PRKN: variants seen among roughly 807,000 people sequenced by gnomAD.
PRKN encodes E3 ubiquitin-protein ligase parkin.
In PRKN, 56 loss-of-function variants were observed where a neutral mutation model predicts 59.5. The ratio of observed to expected loss-of-function variants is 0.94; its 90% CI spans 0.76 to 1.18. PRKN has a LOEUF of 1.18. PRKN is among the 50% of genes most tolerant of loss of function. The probability of loss-of-function intolerance (pLI) is 0.00; values close to 1 mark genes in which losing one functional copy is unlikely to be tolerated. For missense variants in PRKN, 657 were observed against 596.4 expected (o/e 1.10, Z -1.06); for synonymous variants, 250 against 222.1 (o/e 1.13, Z -1.12).
intron 4 of PRKN, among the ~76,000 whole-genome samples, chr6:162,158,674 G>A (rs571068746): frequency 2.0e-5 from 3 of 151,898 alleles, no homozygotes; most frequent in South Asian, 2.1e-4. Context: ...GAAATGATCC[G>A]CCCGCCTTGG....
chr6:161,957,659 G>A (rs1169305781), intron 6 of PRKN, among the ~76,000 whole-genome samples: 1 of 152,098 alleles, frequency 6.6e-6, no homozygotes, highest in East Asian at 1.9e-4. Flanking sequence ...TCCTGACCTT[G>A]TGATCCACCC....
chr6:161,965,023 A>G (rs1032050373), intron 6 of PRKN, among the ~76,000 whole-genome samples: 1 of 152,028 alleles, frequency 6.6e-6, no homozygotes, highest in Non-Finnish European at 1.5e-5. Context: ...TGTAACTAAG[A>G]TCTCCATTCC....
chr6:162,648,116 G>A (rs192045572), intron 1 of PRKN, among the ~76,000 whole-genome samples: 11 of 152,014 alleles, frequency 7.2e-5, no homozygotes, highest in African/African-American at 1.9e-4. Flanking sequence ...AAAGACGAGC[G>A]ATGTAAAATG....
intron 5 of PRKN, among the ~76,000 whole-genome samples, chr6:162,048,000 A>T (rs1777450938): frequency 6.6e-6 from 1 of 152,154 alleles, no homozygotes; most frequent in African/African-American, 2.4e-5. Flanking sequence ...AGTTCAGGGG[A>T]TAGTTTTAAG....
intron 7 of PRKN, among the ~76,000 whole-genome samples, chr6:161,621,599 C>T (rs568026884): frequency 2.8e-4 from 42 of 152,288 alleles, no homozygotes; most frequent in African/African-American, 9.6e-4. Context: ...CCCAATCAAT[C>T]CACTTGGACT....
intron 2 of PRKN, among the ~76,000 whole-genome samples, chr6:162,383,699 A>C (rs1299569485): frequency 6.6e-6 from 1 of 152,202 alleles, no homozygotes; most frequent in Non-Finnish European, 1.5e-5. Flanking sequence ...CTTTGAAGCC[A>C]TGCATTGATT....
chr6:161,972,072 G>A (rs548876592), intron 6 of PRKN, among the ~76,000 whole-genome samples: 3 of 151,956 alleles, frequency 2.0e-5, no homozygotes, highest in South Asian at 2.1e-4. Flanking sequence ...TCAGGAGTTC[G>A]AGACCAGCCT....
intron 4 of PRKN, among the ~76,000 whole-genome samples, chr6:162,098,544 G>A (rs1053103757): frequency 6.6e-5 from 10 of 152,266 alleles, no homozygotes; most frequent in South Asian, 2.1e-4. Context: ...TATGCTCGCA[G>A]CTACATCTCT....
chr6:162,258,730 G>A (rs1562620320), intron 3 of PRKN, among the ~76,000 whole-genome samples: 1 of 152,128 alleles, frequency 6.6e-6, no homozygotes, highest in East Asian at 1.9e-4. Context: ...GTCCTCAGGT[G>A]ATTCTGATGA....
rs530138612 is a variant in PRKN at position 162,110,704 on chromosome 6, G to A, written c.535-56530C>T. Reference sequence around the variant, plus strand: ...AAAAAGGCAACCTTGAAACAGGGGCGATGTCCTTTTGAGTATGAAACTCAC... The same window carrying A: ...AAAAAGGCAACCTTGAAACAGGGGCAATGTCCTTTTGAGTATGAAACTCAC... On this transcript the variant is annotated intron_variant, in intron 4 of 11. Coordinates refer to ENST00000366898, the MANE Select transcript of PRKN (RefSeq NM_004562.3). Among the ~76,000 whole-genome samples, 34 of 152,240 alleles carry A rather than the reference G, an allele frequency of 2.2e-4. No homozygotes were observed. In the South Asian group the frequency reaches 6.6e-3, roughly 30 times the overall value.
At chr6:161,949,275 G>T (rs1779895684) in intron 6 of PRKN, among the ~76,000 whole-genome samples, 1 of 152,216 alleles carries the variant, frequency 6.6e-6, no homozygotes, top group South Asian at 2.1e-4. Flanking sequence ...ACTTTGGGAG[G>T]CCGAGGCGGG....
At chr6:162,710,690 T>C (rs1778504434) in intron 1 of PRKN, among the ~76,000 whole-genome samples, 1 of 152,180 alleles carries the variant, frequency 6.6e-6, no homozygotes, top group Non-Finnish European at 1.5e-5. Flanking sequence ...GGGCTTTTCA[T>C]GTTCCAGAAC....
At chr6:162,166,617 C>T (rs1296808247) in intron 4 of PRKN, among the ~76,000 whole-genome samples, 1 of 152,160 alleles carries the variant, frequency 6.6e-6, no homozygotes, top group African/African-American at 2.4e-5. Context: ...CTCCAACTCA[C>T]TTTAAAACTC....
intron 5 of PRKN, among the ~76,000 whole-genome samples, chr6:161,994,471 C>A (rs768485448): frequency 2.6e-5 from 4 of 151,850 alleles, no homozygotes; most frequent in Non-Finnish European, 5.9e-5. Context: ...AAAGTACTAG[C>A]CAAGTCAATC....
At chr6:161,509,586 A>G (rs987504078) in intron 9 of PRKN, among the ~76,000 whole-genome samples, 2 of 151,332 alleles carry the variant, frequency 1.3e-5, no homozygotes, top group Non-Finnish European at 2.9e-5. Context: ...TGGGGGGAAA[A>G]AAAGAAAAAA....
intron 7 of PRKN, among the ~76,000 whole-genome samples, chr6:161,614,373 T>G (rs1782611269): frequency 6.6e-6 from 1 of 152,226 alleles, no homozygotes; most frequent in South Asian, 2.1e-4. Flanking sequence ...AGGGCTCTAT[T>G]AAGCAACTCA....
At chr6:162,578,359 G>T (rs752369345) in intron 1 of PRKN, among the ~76,000 whole-genome samples, 1 of 152,066 alleles carries the variant, frequency 6.6e-6, no homozygotes, top group Non-Finnish European at 1.5e-5. Flanking sequence ...GCATATATGC[G>T]CATGCCTAAA....
intron 1 of PRKN, among the ~76,000 whole-genome samples, chr6:162,722,037 G>A (rs756476656): frequency 6.6e-6 from 1 of 152,086 alleles, no homozygotes. Flanking sequence ...GGTGGTGAAG[G>A]TGCAATCTAT....
chr6:162,469,712 A>G (rs1791630488), intron 1 of PRKN, among the ~76,000 whole-genome samples: 1 of 151,858 alleles, frequency 6.6e-6, no homozygotes, highest in African/African-American at 2.4e-5. Flanking sequence ...GACACAGTGG[A>G]CTCTGGGGAC....
Sources: gnomAD v4.1 joint callset for allele counts (sites outside exome capture counted in the v4.1 genomes callset) on GRCh38, gnomAD v4.1.1 for gene constraint, MANE v1.5 for transcripts, NCBI Gene and HGNC (gene_info 2026-07-23, HGNC 2026-07-21) for gene names.